Variants in MTMR10 observed in about 807,000 individuals in gnomAD.
The protein encoded by MTMR10 is myotubularin related protein 10.
Under a neutral mutation model 88.1 loss-of-function variants are expected in MTMR10, and 56 were observed. The ratio of observed to expected loss-of-function variants is 0.64; its 90% CI spans 0.51 to 0.79. The LOEUF (loss-of-function observed/expected upper bound fraction) is 0.79. MTMR10 is among the 30% of genes least tolerant of loss of function. The probability of loss-of-function intolerance (pLI) is 0.00; values close to 1 mark genes in which losing one functional copy is unlikely to be tolerated. For missense variants in MTMR10, 883 were observed against 924.7 expected (o/e 0.95, Z 0.58); for synonymous variants, 380 against 340.9 (o/e 1.11, Z -1.26).
At chr15:30,925,359 TC>T in the MTMR10 span, 1 of 1,413,056 alleles carries the variant, frequency 7.1e-7, no homozygotes, top group Admixed American at 2.0e-5. Flanking sequence ...ACCAGAAGCA[TC>T]CTAAGAGCTG....
Position 30,941,126 on chromosome 15 carries a change from G to T in MTMR10, c.*344C>A, listed in dbSNP as rs1215190452. 3.9e-6 allele frequency: 5 copies of T among 1,267,560 alleles called. No individual in the cohort carries two copies. Among genetic ancestry groups the T allele is most frequent in the African/African-American group, 1.6e-5 (1 of 63,868 alleles). The allele number at this position is 1,267,560 out of a possible 1,614,324, so 78.5% of individuals were successfully genotyped here. ...ACACAAATTTCCTAACTTTCCTGTT[G>T]TCTGCTGCCTGGGGCTGCTAATGTG... On this transcript the variant is annotated 3_prime_UTR_variant, in exon 16 of 16. Coordinates refer to ENST00000435680, the MANE Select transcript of MTMR10 (RefSeq NM_017762.3).
downstream of MTMR10, among the ~76,000 whole-genome samples, chr15:30,935,008 T>C (rs1366955752): frequency 7.1e-6 from 1 of 140,872 alleles, no homozygotes; most frequent in Non-Finnish European, 1.6e-5. Context: ...GGTTTCTGTG[T>C]AGTCTCATTC....
chr15:30,936,045 C>T (rs1261523616), downstream of MTMR10, among the ~76,000 whole-genome samples: 1 of 151,886 alleles, frequency 6.6e-6, no homozygotes, highest in Non-Finnish European at 1.5e-5. Context: ...CCTTTGGGGA[C>T]TCTAATTAAA....
chr15:30,978,237 T>C (rs1190115407), intron 2 of MTMR10, among the ~76,000 whole-genome samples: 1 of 152,246 alleles, frequency 6.6e-6, no homozygotes, highest in African/African-American at 2.4e-5. Context: ...GCTACAATTA[T>C]ATTTATATAT....
chr15:30,941,947 T>C lies in MTMR10; in HGVS notation c.1857A>G (p.Gln619=). Residue 619 remains glutamine (Q), a synonymous_variant, in exon 16 of 16, where the codon CAA becomes CAG. Coordinates refer to ENST00000435680, the MANE Select transcript of MTMR10 (RefSeq NM_017762.3). ...CCGTATCACTGTTCTGGCTGTCGGT[T>C]TGCTGAGCTGGATCTGGCTTTGGTT... ...ILKPKPDPAQ[Q]TDSQNSDTEQ... 1.2e-6 allele frequency: 2 copies of C among 1,614,060 alleles called. No individual in the cohort carries two copies. Among genetic ancestry groups the C allele is most frequent in the Middle Eastern group, 1.6e-4 (1 of 6,062 alleles).
Position 30,943,086 on chromosome 15 carries a change from A to C in MTMR10, c.1549-14T>G, listed in dbSNP as rs1193810245. 6.5e-7 allele frequency: 1 copy of C among 1,530,278 alleles called. No homozygotes were observed. Among genetic ancestry groups the C allele is most frequent in the South Asian group, 1.2e-5 (1 of 80,302 alleles). 94.8% of individuals were successfully genotyped at this position (1,530,278 alleles called of 1,614,324 possible). A position where few individuals can be genotyped will look rare whatever the true frequency, so the allele number is the denominator to read the frequency against. ...TATAGCAAATTCCTGCAAAATAAATAAATAAATATTTGCAAAACTAAAGAT... is the reference window on the plus strand; with the variant it reads ...TATAGCAAATTCCTGCAAAATAAATCAATAAATATTTGCAAAACTAAAGAT... On this transcript the variant is annotated splice_polypyrimidine_tract_variant and intron_variant, in intron 14 of 15. Coordinates refer to ENST00000435680, the MANE Select transcript of MTMR10 (RefSeq NM_017762.3).
intron 2 of MTMR10, among the ~76,000 whole-genome samples, chr15:30,979,199 T>C (rs1196815430): frequency 1.3e-5 from 2 of 152,150 alleles, no homozygotes; most frequent in African/African-American, 4.8e-5. Context: ...TCTTCAAACC[T>C]TGCTACAAAA....
intron 9 of MTMR10, among the ~76,000 whole-genome samples, 162 bp downstream of exon 9, chr15:30,958,701 T>G (rs769329426): frequency 2.0e-4 from 30 of 152,260 alleles, no homozygotes; most frequent in African/African-American, 7.0e-4. Flanking sequence ...CAGTTAATTT[T>G]AATATTATCA....
chr15:30,950,657 C>T (rs1443198022), intron 12 of MTMR10, among the ~76,000 whole-genome samples: 2 of 140,942 alleles, frequency 1.4e-5, no homozygotes, highest in South Asian at 2.4e-4. Flanking sequence ...GTGACAGGAG[C>T]GAAACTCCAT....
intron 14 of MTMR10, chr15:30,943,653 C>T (rs1217701626): frequency 1.0e-6 from 1 of 985,312 alleles, no homozygotes. Flanking sequence ...ACCATGTACA[C>T]AGGAGACCCC....
Position 30,954,979 on chromosome 15 carries a change from A to T in MTMR10, c.936-86T>A, listed in dbSNP as rs186702248. 33 of 1,198,320 alleles carry T rather than the reference A, an allele frequency of 2.8e-5. No individual in the cohort carries two copies. The East Asian group carries it at 9.2e-4, about 33-fold the overall frequency. 74.2% of individuals were successfully genotyped at this position (1,198,320 alleles called of 1,614,324 possible). A position where few individuals can be genotyped will look rare whatever the true frequency, so the allele number is the denominator to read the frequency against. ...CCTTACTATAGACCAGGGGATAGAG[A>T]GAGGAATGAGACAGGTAAGGTCTCT... On this transcript the variant is annotated intron_variant, in intron 9 of 15. Transcript: ENST00000435680.
chr15:30,974,590 T>C (rs74012709), intron 4 of MTMR10, 134 bp from the exon 5 acceptor site: 48 of 871,166 alleles, frequency 5.5e-5, no homozygotes, highest in Non-Finnish European at 7.1e-5. Flanking sequence ...GAATGTTTCA[T>C]ACTTGTAATT....
chr15:30,970,311 A>G (rs976612033), intron 5 of MTMR10, among the ~76,000 whole-genome samples: 2 of 152,170 alleles, frequency 1.3e-5, no homozygotes, highest in African/African-American at 4.8e-5. Context: ...AAAAATACAG[A>G]AAGTTAGATA....
chr15:30,950,657 C>A (rs1443198022), intron 12 of MTMR10, among the ~76,000 whole-genome samples: 1 of 140,936 alleles, frequency 7.1e-6, no homozygotes, highest in Non-Finnish European at 1.5e-5. Flanking sequence ...GTGACAGGAG[C>A]GAAACTCCAT....
chr15:30,979,659 G>T (rs1365827227), intron 2 of MTMR10, among the ~76,000 whole-genome samples: 1 of 152,220 alleles, frequency 6.6e-6, no homozygotes, highest in African/African-American at 2.4e-5. Context: ...GAGCTTGTGT[G>T]GCAGAGCCTT....
Position 30,943,768 on chromosome 15 carries a change from A to G in MTMR10, c.1549-696T>C, listed in dbSNP as rs144872531. 75 of 985,460 alleles carry G rather than the reference A, an allele frequency of 7.6e-5. No individual in the cohort carries two copies. In the African/African-American group the frequency reaches 1.2e-3, roughly 16 times the overall value. 61.0% of individuals were successfully genotyped at this position (985,460 alleles called of 1,614,324 possible). On this transcript the variant is annotated intron_variant, in intron 14 of 15. Coordinates refer to ENST00000435680, the MANE Select transcript of MTMR10 (RefSeq NM_017762.3). ...AGGCAACACAAGGCTACAGGGTGAC[A>G]GCCAACCACCGCATTGTGAGGAAGA... is the stretch of plus-strand genomic sequence containing the variant.
Position 30,947,292 on chromosome 15 carries a change from TAAAG to T in MTMR10, c.1382_1385del (p.Pro461HisfsTer13). 1 of 1,612,892 alleles carries T rather than the reference TAAAG, an allele frequency of 6.2e-7. No homozygotes were observed. Among genetic ancestry groups the T allele is most frequent in the Non-Finnish European group, 8.5e-7 (1 of 1,179,592 alleles). The stretch of plus-strand genomic sequence containing the variant: ...AGGTGGCATCCAAGAATAGCAAAAA[TAAAG>T]GAGACTGGCAAATACAAAGAGACAA... On this transcript the variant is annotated frameshift_variant, in exon 14 of 16. Transcript: ENST00000435680. LOFTEE classifies it high-confidence loss of function.
intron 2 of MTMR10, among the ~76,000 whole-genome samples, chr15:30,989,620 C>G (rs2031174025): frequency 6.6e-6 from 1 of 150,380 alleles, no homozygotes. Flanking sequence ...TCTCACTCTG[C>G]CGCCCAGGCT....
At chr15:30,968,686 T>C (rs2063502032) in intron 5 of MTMR10, among the ~76,000 whole-genome samples, 1 of 152,142 alleles carries the variant, frequency 6.6e-6, no homozygotes, top group African/African-American at 2.4e-5. Context: ...TGTCAAGTAC[T>C]TGCTACATAA....
Sources: gnomAD v4.1 joint callset for allele counts (sites outside exome capture counted in the v4.1 genomes callset) on GRCh38, gnomAD v4.1.1 for gene constraint, MANE v1.5 for transcripts, NCBI Gene and HGNC (gene_info 2026-07-23, HGNC 2026-07-21) for gene names.